The following KIF14 variants were observed in gnomAD, a reference collection of about 807,000 sequenced individuals.
The protein encoded by KIF14 is kinesin family member 14, also known as kinesin-like protein KIF14.
Under a neutral mutation model 176.2 loss-of-function variants are expected in KIF14, and 98 were observed. That is an observed-to-expected ratio of 0.56 (90% CI 0.47 to 0.66). The LOEUF is 0.66. Among genes scored for constraint, KIF14 ranks in the 30% least tolerant of loss-of-function variants. The pLI is 0.00. For missense variants in KIF14, 1,751 were observed against 1,920.4 expected (o/e 0.91, Z 1.65); for synonymous variants, 566 against 632.2 (o/e 0.90, Z 1.57).
chr1:200,559,799 G>A (rs190727808), intron 26 of KIF14, among the ~76,000 whole-genome samples: 2 of 150,126 alleles, frequency 1.3e-5, no homozygotes, highest in East Asian at 3.9e-4. Flanking sequence ...ATGTTGCCCA[G>A]GCTGGAGTGA....
At position 200,618,398 on chromosome 1, in the gene KIF14, T is replaced by C. The variant is rs1434368221; in HGVS notation, c.326A>G (p.Asp109Gly). ...TGTTTCTGCTGTTTTTTCAGTTGTGTCTTCCAACTCACTAACAAGCAAAGA... is the reference window on the plus strand; with the variant it reads ...TGTTTCTGCTGTTTTTTCAGTTGTGCCTTCCAACTCACTAACAAGCAAAGA... ...ESSLLVSELE[D>G]TTEKTAETRL... The change falls in exon 2 of 30, where the codon GAC becomes GGC. Residue 109 changes from aspartate to glycine, a missense_variant. Asp to Gly is a moderately conservative substitution (Grantham distance 94, BLOSUM62 -1). Coordinates refer to ENST00000367350, the MANE Select transcript of KIF14 (RefSeq NM_014875.3). 1.9e-6 allele frequency: 3 copies of C among 1,614,200 alleles called. No individual in the cohort carries two copies. Among genetic ancestry groups the C allele is most frequent in the Non-Finnish European group, 2.5e-6 (3 of 1,180,030 alleles).
chr1:200,579,453 A>G (rs992769524), intron 21 of KIF14, among the ~76,000 whole-genome samples: 4 of 152,166 alleles, frequency 2.6e-5, no homozygotes, highest in Non-Finnish European at 5.9e-5. Context: ...TTAAAAAAAT[A>G]CAAAAATTAG....
At chr1:200,616,559 C>G (rs773102097) in intron 2 of KIF14, among the ~76,000 whole-genome samples, 1 of 152,188 alleles carries the variant, frequency 6.6e-6, no homozygotes, top group Non-Finnish European at 1.5e-5. Flanking sequence ...GTATAACTTG[C>G]CTTTAACTAC....
chr1:200,560,915 A>C, intron 25 of KIF14, 35 bp from the exon 26 acceptor site: 1 of 1,583,298 alleles, frequency 6.3e-7, no homozygotes, highest in Non-Finnish European at 8.7e-7. Flanking sequence ...TATCAGATAC[A>C]TGAGATTATA....
chr1:200,584,820 A>T (rs990347536), intron 19 of KIF14, among the ~76,000 whole-genome samples: 1 of 152,194 alleles, frequency 6.6e-6, no homozygotes, highest in Non-Finnish European at 1.5e-5. Context: ...CACCACTTCT[A>T]TTGAACATAG....
chr1:200,595,126 C>A (rs1659262417), intron 14 of KIF14, among the ~76,000 whole-genome samples: 2 of 152,174 alleles, frequency 1.3e-5, no homozygotes, highest in South Asian at 4.1e-4. Context: ...TTCCTTGAGT[C>A]ATTCCTTCCA....
At chr1:200,582,619 G>C (rs1394053786) in intron 19 of KIF14, among the ~76,000 whole-genome samples, 1 of 152,134 alleles carries the variant, frequency 6.6e-6, no homozygotes, top group Non-Finnish European at 1.5e-5. Context: ...GGAGACCAAG[G>C]CCGGTGGATC....
intron 13 of KIF14, 133 bp from the exon 14 acceptor site, chr1:200,598,554 TA>T: frequency 1.2e-5 from 7 of 566,076 alleles, no homozygotes; most frequent in Non-Finnish European, 1.9e-5. Context: ...GTTATTTATT[TA>T]TTTTTTTATT....
At chr1:200,614,251 C>T (rs1404236395) in intron 4 of KIF14, 67 bp downstream of exon 4, 6 of 830,334 alleles carry the variant, frequency 7.2e-6, no homozygotes, top group South Asian at 1.5e-5. Flanking sequence ...GTGGCCATGA[C>T]TGATTTGAAC....
At chr1:200,612,137 G>T (rs193301420) in intron 4 of KIF14, among the ~76,000 whole-genome samples, 12 of 152,046 alleles carry the variant, frequency 7.9e-5, no homozygotes, top group African/African-American at 2.9e-4. Context: ...CGAATAGCTA[G>T]GATTACAGGC....
At position 200,606,773 on chromosome 1, in the gene KIF14, T is replaced by C; in HGVS notation, c.1580A>G (p.Tyr527Cys). 1 of 1,613,580 alleles carries C rather than the reference T, an allele frequency of 6.2e-7. No homozygotes were observed. The highest frequency in any genetic ancestry group is 1.1e-5 in the South Asian group (1 of 91,078). ...TGACAGTGCTTCAACATATGGTCCA[T>C]AAACAGGATGTTCCCTCACTCTCAG... ...QPLRVREHPV[Y>C]GPYVEALSMN... Residue 527 changes from tyrosine to cysteine, a missense_variant, in exon 6 of 30, where the codon TAT becomes TGT. Tyr to Cys is a radical substitution (Grantham distance 194, BLOSUM62 -2). Coordinates refer to ENST00000367350, the MANE Select transcript of KIF14 (RefSeq NM_014875.3).
At chr1:200,554,356 A>C (rs1266807992) in intron 29 of KIF14, 112 bp downstream of exon 29, 3 of 691,020 alleles carry the variant, frequency 4.3e-6, no homozygotes, top group Admixed American at 3.3e-5. Context: ...GAGCCACTGC[A>C]CTCCAGCCTG....
intron 29 of KIF14, among the ~76,000 whole-genome samples, chr1:200,554,060 G>A (rs1037659572): frequency 1.3e-5 from 2 of 152,148 alleles, no homozygotes; most frequent in Non-Finnish European, 2.9e-5. Flanking sequence ...GTAGGCTTCA[G>A]TTAATGACTA....
At chr1:200,586,356 C>T in intron 18 of KIF14, 129 bp from the exon 19 acceptor site, 1 of 642,684 alleles carries the variant, frequency 1.6e-6, no homozygotes, top group South Asian at 3.4e-5. Flanking sequence ...TTATATACCC[C>T]ATAACATTGT....
At chr1:200,608,784 A>T (rs1248802310) in intron 5 of KIF14, 46 bp downstream of exon 5, 1 of 1,178,260 alleles carries the variant, frequency 8.5e-7, no homozygotes, top group Admixed American at 1.7e-5. Flanking sequence ...AGATACATTT[A>T]TAAGAACAGA....
chr1:200,617,578 TGC>T, intron 2 of KIF14, 32 bp downstream of exon 2: 2 of 1,560,120 alleles, frequency 1.3e-6, no homozygotes, highest in Non-Finnish European at 1.7e-6. Flanking sequence ...TACATGTAAC[TGC>T]TTGGCTTTAG....
At chr1:200,586,679 A>G (rs1033836990) in intron 18 of KIF14, among the ~76,000 whole-genome samples, 4 of 150,970 alleles carry the variant, frequency 2.6e-5, no homozygotes, top group African/African-American at 9.7e-5. Flanking sequence ...AGACTCCTGC[A>G]TGTGTATGCT....
chr1:200,586,154 T>TA lies in KIF14; in HGVS notation c.3187_3188insT (p.Lys1063IlefsTer12). 2 of 1,603,054 alleles carry TA rather than the reference T, an allele frequency of 1.2e-6. No individual in the cohort carries two copies. The highest frequency in any genetic ancestry group is 2.2e-5 in the South Asian group (2 of 89,736). Reference sequence around the variant, plus strand: ...ATTCTGCTGTAGAATTTGTACTTCTTTAGCAATTTTTTGCTTTTCAGTTTC... The same window carrying TA: ...ATTCTGCTGTAGAATTTGTACTTCTTATAGCAATTTTTTGCTTTTCAGTTTC... On this transcript the variant is annotated frameshift_variant, in exon 19 of 30. Transcript: ENST00000367350. LOFTEE classifies it high-confidence loss of function.
chr1:200,614,441 C>A, intron 3 of KIF14, 36 bp from the exon 4 acceptor site: 1 of 1,258,772 alleles, frequency 7.9e-7, no homozygotes, highest in African/African-American at 1.5e-5. Flanking sequence ...GGAAATAAAA[C>A]TAATTCTTTC....
Sources: allele counts gnomAD v4.1 joint callset (sites outside exome capture counted in the v4.1 genomes callset), GRCh38; gene constraint gnomAD v4.1.1; transcripts MANE v1.5; gene names NCBI Gene and HGNC (gene_info 2026-07-23, HGNC 2026-07-21).